The following DMP1 variants were observed in gnomAD, a reference collection of about 807,000 sequenced individuals.
DMP1 encodes dentin matrix protein 1.
In DMP1, 20 loss-of-function variants were observed where a neutral mutation model predicts 14.6. The observed-to-expected ratio is 1.37, with a 90% CI of 0.96 to 1.99. The LOEUF (loss-of-function observed/expected upper bound fraction) is 1.99. Among genes scored for constraint, DMP1 ranks in the 30% most tolerant of loss-of-function variants. The pLI is 0.00. For synonymous variants in DMP1, 197 were observed against 215.3 expected, an observed-to-expected ratio of 0.91 and a Z score of 0.75; for missense variants, 567 against 620.5, an observed-to-expected ratio of 0.91 and a Z score of 0.92.
intron 3 of DMP1, chr4:87,659,008 A>T (rs1728778186): frequency 1.6e-6 from 1 of 607,556 alleles, no homozygotes. Context: ...AACATTGTCT[A>T]GGTCTCTTAT....
intron 5 of DMP1, 68 bp from the exon 6 acceptor site, chr4:87,661,894 G>A (rs1480599000): frequency 3.1e-6 from 5 of 1,613,186 alleles, no homozygotes; most frequent in Non-Finnish European, 3.4e-6. Flanking sequence ...AGACTAGAAA[G>A]GCTCTAGATA....
intron 5 of DMP1, among the ~76,000 whole-genome samples, chr4:87,661,388 A>AT (rs1164240886): frequency 2.6e-5 from 4 of 151,222 alleles, no homozygotes; most frequent in African/African-American, 9.7e-5. Context: ...CGCCCGGCTA[A>AT]TTTTTTGTAT....
At chr4:87,652,322 A>C (rs72870403) in intron 1 of DMP1, among the ~76,000 whole-genome samples, 4,356 of 152,284 alleles carry the variant, frequency 0.029, 207 homozygotes, top group African/African-American at 0.1. Flanking sequence ...AATAGTAGCC[A>C]AAATGTTTAT....
At chr4:87,661,931 A>G (rs1728899210) in intron 5 of DMP1, 31 bp from the exon 6 acceptor site, 1 of 1,614,004 alleles carries the variant, frequency 6.2e-7, no homozygotes, top group Non-Finnish European at 8.5e-7. Context: ...TTCCTGGAAT[A>G]CTGACCATAT....
In DMP1 at chr4:87,661,204, A is replaced by ATTTTTTT. The variant is rs70957272; in HGVS notation, c.184-728_184-722dup. Among the ~76,000 whole-genome samples the ATTTTTTT allele has an allele frequency of 6.9e-4, 46 of 66,642 alleles. 9 individuals carry two copies. The highest frequency in any genetic ancestry group is 1.7e-3 in the African/African-American group (29 of 16,768). 43.7% of individuals were successfully genotyped at this position (66,642 alleles called of 152,430 possible). ...AGGTTTGTGGCACCACAGCCAGCTA[A>ATTTTTTT]TTTTTTTTTTTTTTTTTTTTTTTTT... is the stretch of plus-strand genomic sequence containing the variant. On this transcript the variant is annotated intron_variant, in intron 5 of 5. Transcript: ENST00000339673.
intron 1 of DMP1, among the ~76,000 whole-genome samples, chr4:87,654,785 A>G (rs759168192): frequency 8.1e-4 from 123 of 152,248 alleles, no homozygotes; most frequent in Non-Finnish European, 3.5e-4. Flanking sequence ...TCTACATAAG[A>G]TAAAGTAAAC....
rs184539616 is a variant in DMP1 at position 87,652,174 on chromosome 4, T to C, written c.-22+1790T>C. Reference sequence around the variant, plus strand: ...GTCATCTCACTGTAGAATGACAGCATGTAGAATGTAGAAATAACATTAACC... The same window carrying C: ...GTCATCTCACTGTAGAATGACAGCACGTAGAATGTAGAAATAACATTAACC... On this transcript the variant is annotated intron_variant, in intron 1 of 5. Transcript: ENST00000339673. Among the ~76,000 whole-genome samples, 155 of 152,312 alleles carry C rather than the reference T, an allele frequency of 1.0e-3. 5 individuals are homozygous for C. The highest frequency in any genetic ancestry group is 9.5e-3 in the Admixed American group (145 of 15,292).
Position 87,664,341 on chromosome 4 carries a change from G to T in DMP1, c.*1021G>T, listed in dbSNP as rs930888239. On this transcript the variant is annotated 3_prime_UTR_variant, in exon 6 of 6. Transcript: ENST00000339673. ...CATAAAATACTTGTTTTGTAATAAA[G>T]ATTATAATACCCAGAAGAAATATGT... The T allele has an allele frequency of 6.6e-6, 1 of 152,640 alleles. No individual in the cohort carries two copies. The highest frequency in any genetic ancestry group is 2.1e-4 in the South Asian group (1 of 4,824). 9.5% of individuals were successfully genotyped at this position (152,640 alleles called of 1,614,324 possible). A position where few individuals can be genotyped will look rare whatever the true frequency, so the allele number is the denominator to read the frequency against.
chr4:87,661,844 C>T (rs1011446499), intron 5 of DMP1, 118 bp from the exon 6 acceptor site: 11 of 1,570,884 alleles, frequency 7.0e-6, no homozygotes, highest in East Asian at 2.3e-5. Context: ...TAAAACTGAC[C>T]GTAGATTAGA....
intron 5 of DMP1, 126 bp from the exon 6 acceptor site, chr4:87,661,836 A>C: frequency 1.3e-6 from 2 of 1,555,112 alleles, no homozygotes; most frequent in Non-Finnish European, 1.7e-6. Context: ...TTGAGTAGTA[A>C]AACTGACCGT....
At chr4:87,654,526 G>A (rs887889551) in intron 1 of DMP1, among the ~76,000 whole-genome samples, 1 of 152,116 alleles carries the variant, frequency 6.6e-6, no homozygotes, top group African/African-American at 2.4e-5. Context: ...GGATGCACCT[G>A]GGAAAAATGA....
At position 87,663,474 on chromosome 4, in the gene DMP1, T is replaced by C. The variant is rs1222098738; in HGVS notation, c.*154T>C. The C allele has an allele frequency of 8.9e-7, 1 of 1,124,872 alleles. No homozygotes were observed. Among genetic ancestry groups the C allele is most frequent in the East Asian group, 2.5e-5 (1 of 39,826 alleles). The allele number at this position is 1,124,872 out of a possible 1,614,324, so 69.7% of individuals were successfully genotyped here. On this transcript the variant is annotated 3_prime_UTR_variant, in exon 6 of 6. Coordinates refer to ENST00000339673, the MANE Select transcript of DMP1 (RefSeq NM_004407.4). ...AATTGCTGGACATTACACTTGTTTTTAGGGTGTCATCATTTCACAGAGGTT... is the reference window on the plus strand; with the variant it reads ...AATTGCTGGACATTACACTTGTTTTCAGGGTGTCATCATTTCACAGAGGTT...
intron 1 of DMP1, among the ~76,000 whole-genome samples, 197 bp downstream of exon 1, chr4:87,650,581 G>A (rs1728508813): frequency 6.6e-6 from 1 of 152,110 alleles, no homozygotes; most frequent in African/African-American, 2.4e-5. Context: ...GACATGTTAA[G>A]ACAATACAGC....
At chr4:87,659,589 G>C (rs1288743608) in intron 5 of DMP1, 111 bp downstream of exon 5, 2 of 1,091,346 alleles carry the variant, frequency 1.8e-6, no homozygotes, top group Non-Finnish European at 2.8e-6. Flanking sequence ...CTAACTATGA[G>C]TTATGCTGGC....
chr4:87,662,053 CCAGGAGCA>C lies in DMP1; in HGVS notation c.281_288del (p.Ser94LysfsTer5). 6.2e-7 allele frequency: 1 copy of C among 1,614,128 alleles called. No homozygotes were observed. Among genetic ancestry groups the C allele is most frequent in the Non-Finnish European group, 8.5e-7 (1 of 1,180,032 alleles). ...ATTTATAGGCTAGCTGGTGGCTTCTCCAGGAGCACAGGAAAAGGAGGAGATGATAAAGA... is the reference window on the plus strand; with the variant it reads ...ATTTATAGGCTAGCTGGTGGCTTCTCCAGGAAAAGGAGGAGATGATAAAGA... On this transcript the variant is annotated frameshift_variant, in exon 6 of 6. Transcript: ENST00000339673. LOFTEE classifies it low-confidence loss of function (END_TRUNC).
chr4:87,664,065 ATTT>A lies in DMP1; in HGVS notation c.*756_*758del, dbSNP rs34488194. The stretch of plus-strand genomic sequence containing the variant: ...CTCCCAATTAATTTACCAATTCATC[ATTT>A]TTTTTTTTTTGTAGAACTCCCATAA... On this transcript the variant is annotated 3_prime_UTR_variant, in exon 6 of 6. Transcript: ENST00000339673. 62 of 149,306 alleles carry A rather than the reference ATTT, an allele frequency of 4.2e-4. No individual in the cohort carries two copies. The highest frequency in any genetic ancestry group is 3.5e-3 in the Middle Eastern group (1 of 288). 9.2% of individuals were successfully genotyped at this position (149,306 alleles called of 1,614,324 possible).
At chr4:87,661,877 A>G in intron 5 of DMP1, 85 bp from the exon 6 acceptor site, 1 of 1,610,814 alleles carries the variant, frequency 6.2e-7, no homozygotes, top group Non-Finnish European at 8.5e-7. Flanking sequence ...GGGCGAAGGA[A>G]GCAGAAAGAC....
At chr4:87,652,255 G>A (rs1486490653) in intron 1 of DMP1, among the ~76,000 whole-genome samples, 2 of 152,086 alleles carry the variant, frequency 1.3e-5, no homozygotes, top group Non-Finnish European at 2.9e-5. Flanking sequence ...TTGTAGCTGT[G>A]GTTCACATTT....
At chr4:87,655,689 T>C (rs1180276535) in intron 1 of DMP1, among the ~76,000 whole-genome samples, 1 of 152,096 alleles carries the variant, frequency 6.6e-6, no homozygotes, top group African/African-American at 2.4e-5. Context: ...TGTGTGTATG[T>C]GTATGTGTGT....
Sources: allele counts gnomAD v4.1 joint callset (sites outside exome capture counted in the v4.1 genomes callset), GRCh38; gene constraint gnomAD v4.1.1; transcripts MANE v1.5; gene names NCBI Gene and HGNC (gene_info 2026-07-23, HGNC 2026-07-21).